The following RGS12 variants were observed in gnomAD, a reference collection of about 807,000 sequenced individuals.
The protein encoded by RGS12 is regulator of G-protein signaling 12.
Under a neutral mutation model 120.1 loss-of-function variants are expected in RGS12, and 66 were observed. The ratio of observed to expected loss-of-function variants is 0.55; its 90% CI spans 0.45 to 0.67. The LOEUF is 0.67. Ranked by LOEUF, RGS12 falls within the 30% of genes least tolerant of loss-of-function variation. The pLI, the probability that RGS12 is intolerant of heterozygous loss-of-function variation, is 0.00. For synonymous variants in RGS12, 827 were observed against 804.7 expected, an observed-to-expected ratio of 1.03 and a Z score of -0.47; for missense variants, 1,859 against 1,957.7, an observed-to-expected ratio of 0.95 and a Z score of 0.95.
At chr4:3,358,029 A>G (rs114582609) in intron 3 of RGS12, among the ~76,000 whole-genome samples, 2,042 of 152,278 alleles carry the variant, frequency 0.013, 62 homozygotes, top group African/African-American at 0.045. Flanking sequence ...CCTTTCAGCA[A>G]TGTTTTCTAG....
intron 14 of RGS12, among the ~76,000 whole-genome samples, chr4:3,427,111 C>T (rs950021063): frequency 1.3e-5 from 2 of 152,196 alleles, no homozygotes; most frequent in East Asian, 1.9e-4. Context: ...GACCCTTCCC[C>T]GAGCCCACCC....
chr4:3,428,038 C>A, intron 14 of RGS12, 52 bp from the exon 15 acceptor site: 1 of 1,532,768 alleles, frequency 6.5e-7, no homozygotes, highest in South Asian at 1.1e-5. Context: ...GTCTATGAAA[C>A]ATTCAGATGG....
intron 1 of RGS12, among the ~76,000 whole-genome samples, chr4:3,299,898 A>G (rs1333896157): frequency 6.6e-6 from 1 of 152,144 alleles, no homozygotes; most frequent in Admixed American, 6.5e-5. Context: ...GACCCCACGC[A>G]GGTGTGCTAG....
chr4:3,432,630 G>T (rs1344167956), intron 17 of RGS12, among the ~76,000 whole-genome samples: 1 of 152,240 alleles, frequency 6.6e-6, no homozygotes, highest in East Asian at 1.9e-4. Flanking sequence ...TGAGCGCCCC[G>T]GCTGACATCC....
chr4:3,304,248 T>C (rs1299190463), intron 1 of RGS12, among the ~76,000 whole-genome samples: 1 of 152,246 alleles, frequency 6.6e-6, no homozygotes, highest in Admixed American at 6.5e-5. Context: ...TATTGTACTT[T>C]TCAGTTCAGC....
chr4:3,370,031 A>G (rs1716802137), intron 3 of RGS12: 2 of 1,258,970 alleles, frequency 1.6e-6, no homozygotes, highest in Non-Finnish European at 2.0e-6. Context: ...TAGTTTAAAA[A>G]TGATCTCACA....
At chr4:3,373,399 G>A (rs559611097) in intron 3 of RGS12, among the ~76,000 whole-genome samples, 3 of 152,330 alleles carry the variant, frequency 2.0e-5, no homozygotes, top group Non-Finnish European at 4.4e-5. Context: ...GAGGGTTTCG[G>A]GGGCGTGCCT....
intron 3 of RGS12, among the ~76,000 whole-genome samples, chr4:3,364,669 C>G (rs1256940267): frequency 6.6e-6 from 1 of 151,942 alleles, no homozygotes; most frequent in Non-Finnish European, 1.5e-5. Context: ...GTCCCAGGGA[C>G]AGAGGGAGGG....
In RGS12 at chr4:3,298,777, G is replaced by A. The variant is rs149500467; in HGVS notation, c.-102+5678G>A. On this transcript the variant is annotated intron_variant, in intron 1 of 17. Coordinates refer to ENST00000336727, the MANE Select transcript of RGS12 (RefSeq NM_001394154.1). ...CATCTTCAAACTGCTATTAAGTTTC[G>A]TGCATTTTAAAATTTCAGTTACAGT... 7.2e-5 allele frequency among the ~76,000 whole-genome samples: 11 copies of A among 152,224 alleles called. No individual in the cohort carries two copies. In the East Asian group the frequency reaches 1.4e-3, roughly 19 times the overall value.
intron 3 of RGS12, among the ~76,000 whole-genome samples, chr4:3,363,808 C>T (rs377607854): frequency 2.0e-5 from 3 of 152,020 alleles, no homozygotes; most frequent in East Asian, 1.9e-4. Context: ...ACCCCTGGGA[C>T]CCAGGGGTCA....
At chr4:3,340,954 T>C (rs115774152) in intron 2 of RGS12, among the ~76,000 whole-genome samples, 2,772 of 152,136 alleles carry the variant, frequency 0.018, 70 homozygotes, top group African/African-American at 0.06. Flanking sequence ...ACCTGGCCGC[T>C]GTGCTTCTAG....
chr4:3,363,434 C>G (rs1046978105), intron 3 of RGS12, among the ~76,000 whole-genome samples: 1 of 152,044 alleles, frequency 6.6e-6, no homozygotes, highest in African/African-American at 2.4e-5. Context: ...CCAGCCTCCC[C>G]GAGAGACCCC....
chr4:3,397,019 T>C (rs949835509), intron 4 of RGS12, among the ~76,000 whole-genome samples: 1 of 152,166 alleles, frequency 6.6e-6, no homozygotes, highest in African/African-American at 2.4e-5. Flanking sequence ...GAATAAATAC[T>C]AAATCTGGCT....
chr4:3,323,555 A>G (rs1725348350), intron 2 of RGS12, among the ~76,000 whole-genome samples: 1 of 152,194 alleles, frequency 6.6e-6, no homozygotes, highest in African/African-American at 2.4e-5. Context: ...GTACATAGTT[A>G]TATATCAATT....
chr4:3,428,594 A>G lies in RGS12; in HGVS notation c.3448A>G (p.Lys1150Glu), dbSNP rs1723922686. 1 of 1,602,920 alleles carries G rather than the reference A, an allele frequency of 6.2e-7. No individual in the cohort carries two copies. The highest frequency in any genetic ancestry group is 1.4e-5 in the African/African-American group (1 of 73,942). ...AACACTAGGCAAGTCTAATTCTATT[A>G]AAATAAAAGGAGAAAATGGAAAAAA... ...ERTLGKSNSI[K>E]IKGENGKNAR... Residue 1150 changes from lysine (K) to glutamate (E), a missense_variant, in exon 16 of 18, where the codon AAA becomes GAA. By Grantham distance (56) the Lys-to-Glu change is moderately conservative. This residue lies in a region of RGS12 where 517 missense variants were observed against 488.5 expected (regional missense o/e 1.06). Coordinates refer to ENST00000336727, the MANE Select transcript of RGS12 (RefSeq NM_001394154.1).
chr4:3,394,323 T>A (rs1719835533), intron 4 of RGS12, among the ~76,000 whole-genome samples: 1 of 152,156 alleles, frequency 6.6e-6, no homozygotes, highest in Non-Finnish European at 1.5e-5. Flanking sequence ...CCACCACGCC[T>A]GGCTAATTTT....
At chr4:3,324,389 G>C (rs1271790130) in intron 2 of RGS12, 2 of 208,350 alleles carry the variant, frequency 9.6e-6, no homozygotes, top group African/African-American at 4.8e-5. Context: ...ATCTCTTAGT[G>C]GGGATGTCCC....
chr4:3,405,576 A>AC (rs1395553659), intron 4 of RGS12, among the ~76,000 whole-genome samples: 1 of 152,198 alleles, frequency 6.6e-6, no homozygotes, highest in African/African-American at 2.4e-5. Context: ...GACAGGATTG[A>AC]CGAAGCTGGA....
At chr4:3,359,761 A>T (rs999767018) in intron 3 of RGS12, among the ~76,000 whole-genome samples, 8 of 150,700 alleles carry the variant, frequency 5.3e-5, no homozygotes, top group African/African-American at 2.0e-4. Flanking sequence ...TAGCTGGGAG[A>T]ACAGGTGTGT....
Sources: allele counts gnomAD v4.1 joint callset (sites outside exome capture counted in the v4.1 genomes callset), GRCh38; gene constraint gnomAD v4.1.1; regional missense constraint gnomAD v4.1.1; transcripts MANE v1.5; gene names NCBI Gene and HGNC (gene_info 2026-07-23, HGNC 2026-07-21).